The following PVT1 variants were observed in gnomAD, a reference collection of about 807,000 sequenced individuals.
PVT1 encodes the protein Pvt1 oncogene.
At chr8:127,823,823 C>T (rs1563614781) in intron 2 of PVT1, among the ~76,000 whole-genome samples, 1 of 152,222 alleles carries the variant, frequency 6.6e-6, no homozygotes, top group Admixed American at 6.5e-5. Context: ...CACTGCCCGT[C>T]GAAGCAGTCG....
At chr8:128,034,287 G>A (rs1813434056) in intron 4 of PVT1, among the ~76,000 whole-genome samples, 1 of 152,080 alleles carries the variant, frequency 6.6e-6, no homozygotes, top group South Asian at 2.1e-4. Flanking sequence ...TTTATAAGGA[G>A]GATGCCCTTT....
intron 3 of PVT1, among the ~76,000 whole-genome samples, chr8:127,975,206 G>A (rs1816810404): frequency 6.6e-6 from 1 of 152,164 alleles, no homozygotes; most frequent in South Asian, 2.1e-4. Context: ...AAAGGGCACA[G>A]TTTTATGACT....
At position 128,077,670 on chromosome 8, in the gene PVT1, C is replaced by G. The variant is rs1195790658; in HGVS notation, n.1114+7309C>G. 2.6e-5 allele frequency among the ~76,000 whole-genome samples: 4 copies of G among 152,148 alleles called. No homozygotes were observed. The South Asian group carries it at 8.3e-4, about 32-fold the overall frequency. ...TTTAAAACAGGAATGGTGATCGTTT[C>G]CATTTATCAAGCCTCTCTGCAAATT... On this transcript the variant is annotated intron_variant and non_coding_transcript_variant, in intron 5 of 10. Coordinates refer to ENST00000651587, the Ensembl canonical transcript of PVT1.
intron 3 of PVT1, among the ~76,000 whole-genome samples, chr8:127,936,107 A>G (rs1816271322): frequency 6.9e-6 from 1 of 144,758 alleles, no homozygotes; most frequent in Non-Finnish European, 1.5e-5. Flanking sequence ...GCCAGAGTGC[A>G]ATGGCGCGAT....
intron 4 of PVT1, among the ~76,000 whole-genome samples, chr8:128,017,204 A>C (rs1341834438): frequency 6.6e-6 from 1 of 152,136 alleles, no homozygotes; most frequent in African/African-American, 2.4e-5. Flanking sequence ...ACCTGAATTA[A>C]ATTCTCTCAC....
At chr8:127,828,230 G>A (rs775685149) in intron 2 of PVT1, among the ~76,000 whole-genome samples, 8 of 152,164 alleles carry the variant, frequency 5.3e-5, no homozygotes, top group African/African-American at 1.9e-4. Flanking sequence ...CTCTTGCTAA[G>A]GGCTTCTTAC....
chr8:127,947,993 A>G (rs1816446136), intron 3 of PVT1: 1 of 443,340 alleles, frequency 2.3e-6, no homozygotes, highest in African/African-American at 2.0e-5. Context: ...TTGGGAACAC[A>G]TTGCCTTTCT....
intron 2 of PVT1, among the ~76,000 whole-genome samples, chr8:127,816,789 T>C (rs1814666123): frequency 6.6e-6 from 1 of 152,198 alleles, no homozygotes; most frequent in Admixed American, 6.5e-5. Flanking sequence ...CTCCCGTTTG[T>C]ATTCTTAAAT....
chr8:127,960,454 C>T (rs1391202578), intron 3 of PVT1, among the ~76,000 whole-genome samples: 1 of 151,964 alleles, frequency 6.6e-6, no homozygotes, highest in Non-Finnish European at 1.5e-5. Flanking sequence ...CTAGCTAGCC[C>T]AGAATAAAAG....
intron 2 of PVT1, among the ~76,000 whole-genome samples, chr8:127,876,813 C>T (rs142874354): frequency 4.5e-4 from 69 of 152,282 alleles, no homozygotes; most frequent in Non-Finnish European, 7.9e-4. Flanking sequence ...ATGGGCTGTT[C>T]GTGCTGTCAT....
At chr8:128,047,431 T>G (rs1163847119) in intron 4 of PVT1, among the ~76,000 whole-genome samples, 1 of 152,200 alleles carries the variant, frequency 6.6e-6, no homozygotes, top group Non-Finnish European at 1.5e-5. Flanking sequence ...GTGGAAATGG[T>G]GGCAGTTGCT....
intron 2 of PVT1, among the ~76,000 whole-genome samples, chr8:127,817,409 T>C (rs1245260995): frequency 2.6e-5 from 3 of 113,758 alleles, no homozygotes; most frequent in Non-Finnish European, 5.4e-5. Context: ...TTAAATAATA[T>C]ATATTTAAAT....
chr8:127,954,142 T>C (rs895269916), intron 3 of PVT1, among the ~76,000 whole-genome samples: 3 of 152,068 alleles, frequency 2.0e-5, no homozygotes, highest in African/African-American at 7.2e-5. Context: ...TACTCTTAAG[T>C]TTCCTTATGT....
chr8:128,014,130 T>C (rs370463906), intron 4 of PVT1, among the ~76,000 whole-genome samples: 2 of 152,224 alleles, frequency 1.3e-5, no homozygotes, highest in East Asian at 1.9e-4. Context: ...CACGAAGCTC[T>C]GTTTCGTCAA....
intron 3 of PVT1, among the ~76,000 whole-genome samples, chr8:127,950,371 G>A (rs1816491261): frequency 2.0e-5 from 3 of 152,184 alleles, no homozygotes; most frequent in Non-Finnish European, 4.4e-5. Context: ...CCATCTGCCT[G>A]TCCAGCCCTT....
intron 2 of PVT1, among the ~76,000 whole-genome samples, chr8:127,817,494 T>C (rs969351668): frequency 3.0e-5 from 4 of 133,392 alleles, no homozygotes; most frequent in Non-Finnish European, 4.6e-5. Context: ...TGTGTGTGTA[T>C]ATACATATAT....
intron 3 of PVT1, among the ~76,000 whole-genome samples, chr8:127,987,213 G>A (rs1816979822): frequency 6.6e-6 from 1 of 152,184 alleles, no homozygotes; most frequent in African/African-American, 2.4e-5. Context: ...GATTTCCCTG[G>A]TAGTTTACAG....
At chr8:127,942,377 G>T (rs1816363716) in intron 3 of PVT1, among the ~76,000 whole-genome samples, 1 of 152,178 alleles carries the variant, frequency 6.6e-6, no homozygotes, top group Admixed American at 6.5e-5. Flanking sequence ...TTCTGTTCTT[G>T]TTGACCCATA....
chr8:128,079,303 AG>A (rs572366334), intron 5 of PVT1, among the ~76,000 whole-genome samples: 97 of 152,316 alleles, frequency 6.4e-4, no homozygotes, highest in African/African-American at 2.1e-3. Flanking sequence ...GTAAATTAAT[AG>A]GCTGTTTATT....
Sources: gnomAD v4.1 joint callset for allele counts (sites outside exome capture counted in the v4.1 genomes callset) on GRCh38, gnomAD v4.1.1 for gene constraint, MANE v1.5 for transcripts, NCBI Gene and HGNC (gene_info 2026-07-23, HGNC 2026-07-21) for gene names.